The following NEURL1B variants were observed in gnomAD, a reference collection of about 807,000 sequenced individuals.
NEURL1B encodes the protein neuralized E3 ubiquitin protein ligase 1B, also known as E3 ubiquitin-protein ligase NEURL1B.
Under a neutral mutation model 37.4 loss-of-function variants are expected in NEURL1B, and 13 were observed. That is an observed-to-expected ratio of 0.35 (90% CI 0.23 to 0.55). NEURL1B has a LOEUF of 0.55. Among genes scored for constraint, NEURL1B ranks in the 20% least tolerant of loss-of-function variants. NEURL1B has a pLI of 0.89. For missense variants in NEURL1B, 790 were observed against 879.2 expected (o/e 0.90, Z 1.28); for synonymous variants, 432 against 426.6 (o/e 1.01, Z -0.16).
chr5:172,683,583 G>T lies in NEURL1B; in HGVS notation c.742G>T (p.Gly248Cys). The change falls in exon 3 of 5, where the codon GGC (glycine) becomes TGC (cysteine). Residue 248 changes from glycine to cysteine, a missense_variant. Coordinates refer to ENST00000369800, the MANE Select transcript of NEURL1B (RefSeq NM_001142651.3). This position sits in a 1 kb window ranked among gnomAD's most constrained non-coding sequence, Gnocchi z 5.6. Reference protein sequence around the residue: ...LGHLALGRAPGPPPADAAAAA... With the variant: ...LGHLALGRAPCPPPADAAAAA... The stretch of plus-strand genomic sequence containing the variant: ...CCACCTGGCGCTGGGCCGCGCCCCG[G>T]GCCCACCGCCAGCCGACGCCGCGGC... The T allele has an allele frequency of 7.5e-7, 1 of 1,338,956 alleles. No homozygotes were observed. The highest frequency in any genetic ancestry group is 9.6e-7 in the Non-Finnish European group (1 of 1,046,916). The allele number at this position is 1,338,956 out of a possible 1,614,324, so 82.9% of individuals were successfully genotyped here.
intron 1 of NEURL1B, among the ~76,000 whole-genome samples, chr5:172,667,373 G>C (rs1479654796): frequency 1.6e-4 from 24 of 149,222 alleles, no homozygotes; most frequent in Admixed American, 9.4e-4. Flanking sequence ...TTAAACCCAA[G>C]AGGTGGAGGT....
chr5:172,651,652 G>C (rs1436790741), intron 1 of NEURL1B, among the ~76,000 whole-genome samples: 4 of 152,176 alleles, frequency 2.6e-5, no homozygotes, highest in Non-Finnish European at 4.4e-5. Flanking sequence ...AGCCCCATTT[G>C]TTCAGCTATT....
At chr5:172,649,331 A>G (rs531807570) in intron 1 of NEURL1B, among the ~76,000 whole-genome samples, 218 of 144,588 alleles carry the variant, frequency 1.5e-3, no homozygotes, top group African/African-American at 4.1e-3. Flanking sequence ...GAACTCCTGC[A>G]AAGCCCTTCA....
rs1174289878 is a variant in NEURL1B, at chr5:172,647,406, G to A, written c.31+5969G>A. ...GAGCCTTGCGAGGCAGTCTTCTCAT[G>A]TCACAGAAGGGGAAACTGAGGCTCA... On this transcript the variant is annotated intron_variant, in intron 1 of 4. Transcript: ENST00000369800. The surrounding 1 kb of genome is among the most constrained non-coding windows in gnomAD (Gnocchi z 4.2). Among the ~76,000 whole-genome samples the A allele has an allele frequency of 6.6e-6, 1 of 152,136 alleles. No individual in the cohort carries two copies.
In NEURL1B at chr5:172,684,047, G is replaced by C. The variant is rs1036039569; in HGVS notation, c.1206G>C (p.Pro402=). 14 of 1,331,504 alleles carry C rather than the reference G, an allele frequency of 1.1e-5. No homozygotes were observed. The African/African-American group carries it at 1.4e-4, about 13-fold the overall frequency. 82.5% of individuals were successfully genotyped at this position (1,331,504 alleles called of 1,614,324 possible). A position where few individuals can be genotyped will look rare whatever the true frequency, so the allele number is the denominator to read the frequency against. ...GDVLLGINGR[P]RGRLLCVDTT... is the part of the protein sequence containing the mutation. ...TGCTCCTGGGCATCAACGGGCGTCC[G>C]CGCGGCCGCCTGCTGTGCGTCGACA... is the stretch of plus-strand genomic sequence containing the variant. Residue 402 remains proline (P), a synonymous_variant, in exon 3 of 5, where the codon CCG becomes CCC. Transcript: ENST00000369800.
chr5:172,653,309 C>G (rs1272744546), intron 1 of NEURL1B, among the ~76,000 whole-genome samples: 3 of 152,124 alleles, frequency 2.0e-5, no homozygotes, highest in Non-Finnish European at 4.4e-5. Flanking sequence ...GAAATCCAAA[C>G]ACCATTTTAT....
chr5:172,641,810 T>C lies in NEURL1B; in HGVS notation c.31+373T>C, dbSNP rs895719494. On this transcript the variant is annotated intron_variant, in intron 1 of 4. Transcript: ENST00000369800. The surrounding 1 kb of genome is among the most constrained non-coding windows in gnomAD (Gnocchi z 6.4). ...TGACTGGAGCCGGGCTCGCCAGGGC[T>C]TCCGACGGTCAGAAGCCACCCGTGG... Among the ~76,000 whole-genome samples the C allele has an allele frequency of 5.3e-5, 8 of 152,194 alleles. No homozygotes were observed. Among genetic ancestry groups the C allele is most frequent in the African/African-American group, 1.4e-4 (6 of 41,438 alleles).
At chr5:172,672,539 C>CT (rs1174954590) in intron 2 of NEURL1B, among the ~76,000 whole-genome samples, 2 of 62,350 alleles carry the variant, frequency 3.2e-5, no homozygotes, top group African/African-American at 1.1e-4. Flanking sequence ...GAGGTGAACT[C>CT]TCCCCCCCCC....
At chr5:172,646,321 T>A (rs889332925) in intron 1 of NEURL1B, among the ~76,000 whole-genome samples, 1 of 152,116 alleles carries the variant, frequency 6.6e-6, no homozygotes, top group Non-Finnish European at 1.5e-5. Context: ...ATAGAGAAAG[T>A]GAGTGTTCAA....
At chr5:172,655,032 C>G (rs1388798795) in intron 1 of NEURL1B, among the ~76,000 whole-genome samples, 2 of 151,960 alleles carry the variant, frequency 1.3e-5, no homozygotes, top group Non-Finnish European at 1.5e-5. Flanking sequence ...TCTCTCTCTG[C>G]TGGTCTTTCC....
intron 1 of NEURL1B, among the ~76,000 whole-genome samples, chr5:172,648,838 G>A (rs921864890): frequency 1.3e-5 from 2 of 152,244 alleles, no homozygotes; most frequent in African/African-American, 2.4e-5. Flanking sequence ...TCACCATGGG[G>A]ATTCCCAGCA....
chr5:172,645,668 G>T (rs1429209636), intron 1 of NEURL1B, among the ~76,000 whole-genome samples: 1 of 152,088 alleles, frequency 6.6e-6, no homozygotes, highest in African/African-American at 2.4e-5. Flanking sequence ...TGCTTGTCTT[G>T]TCCCATCTTC....
Position 172,684,057 on chromosome 5 carries a change from C to G in NEURL1B, c.1216C>G (p.Leu406Val). The change falls in exon 3 of 5, where the codon CTG (leucine) becomes GTG (valine). Residue 406 changes from leucine to valine, a missense_variant. Leu to Val is a conservative substitution (Grantham distance 32). Coordinates refer to ENST00000369800, the MANE Select transcript of NEURL1B (RefSeq NM_001142651.3). The stretch of plus-strand genomic sequence containing the variant: ...CATCAACGGGCGTCCGCGCGGCCGC[C>G]TGCTGTGCGTCGACACCACGCAGGC... ...LGINGRPRGR[L>V]LCVDTTQALW... The G allele has an allele frequency of 7.5e-7, 1 of 1,328,742 alleles. No homozygotes were observed. 82.3% of individuals were successfully genotyped at this position (1,328,742 alleles called of 1,614,324 possible).
At chr5:172,668,331 C>G (rs548843819) in intron 1 of NEURL1B, among the ~76,000 whole-genome samples, 1 of 152,120 alleles carries the variant, frequency 6.6e-6, no homozygotes. Flanking sequence ...TAATGTGGAA[C>G]CTTGGCTTTT....
chr5:172,683,301 G>A lies in NEURL1B; in HGVS notation c.578-118G>A, dbSNP rs1312922772. The stretch of plus-strand genomic sequence containing the variant: ...AGTTCGAAGCCGGGGTGGGGTGGGG[G>A]CTGCTCGAGGCCCGGGTCGGTCGTG... On this transcript the variant is annotated intron_variant, in intron 2 of 4. Coordinates refer to ENST00000369800, the MANE Select transcript of NEURL1B (RefSeq NM_001142651.3). The surrounding 1 kb of genome is among the most constrained non-coding windows in gnomAD (Gnocchi z 5.6). 6.0e-6 allele frequency: 7 copies of A among 1,163,728 alleles called. No homozygotes were observed. Among genetic ancestry groups the A allele is most frequent in the Non-Finnish European group, 7.6e-6 (7 of 921,898 alleles). The allele number at this position is 1,163,728 out of a possible 1,614,324, so 72.1% of individuals were successfully genotyped here. A position where few individuals can be genotyped will look rare whatever the true frequency, so the allele number is the denominator to read the frequency against.
chr5:172,662,770 C>T lies in NEURL1B; in HGVS notation c.32-7015C>T, dbSNP rs146966109. On this transcript the variant is annotated intron_variant, in intron 1 of 4. Transcript: ENST00000369800. ...ACTTGCCAAGGCTGGGCAGTGGTGACCCTGACAGCCAGAGTTCCCTCCTCC... is the reference window on the plus strand; with the variant it reads ...ACTTGCCAAGGCTGGGCAGTGGTGATCCTGACAGCCAGAGTTCCCTCCTCC... Among the ~76,000 whole-genome samples, 398 of 152,276 alleles carry T rather than the reference C, an allele frequency of 2.6e-3. 2 individuals are homozygous for T. Among genetic ancestry groups the T allele is most frequent in the African/African-American group, 8.9e-3 (368 of 41,540 alleles).
At chr5:172,684,298 C>T (rs1480377304) in intron 3 of NEURL1B, among the ~76,000 whole-genome samples, 160 bp downstream of exon 3, 2 of 152,118 alleles carry the variant, frequency 1.3e-5, no homozygotes, top group Admixed American at 1.3e-4. Flanking sequence ...CACGATCCAC[C>T]CCGTCCAAAA....
At chr5:172,656,150 A>G (rs1757772338) in intron 1 of NEURL1B, among the ~76,000 whole-genome samples, 1 of 152,134 alleles carries the variant, frequency 6.6e-6, no homozygotes, top group African/African-American at 2.4e-5. Context: ...TTTAAAGAGA[A>G]TGACGGGGTG....
intron 1 of NEURL1B, among the ~76,000 whole-genome samples, chr5:172,658,763 C>A (rs1381460652): frequency 1.3e-5 from 2 of 152,090 alleles, no homozygotes; most frequent in Non-Finnish European, 2.9e-5. Context: ...GCCATCACCT[C>A]CTCCATCACC....
Sources: gnomAD v4.1 joint callset for allele counts (sites outside exome capture counted in the v4.1 genomes callset) on GRCh38, gnomAD v4.1.1 for gene constraint, Gnocchi (gnomAD v3.1) non-coding constraint, MANE v1.5 for transcripts, NCBI Gene and HGNC (gene_info 2026-07-23, HGNC 2026-07-21) for gene names.